The following SV2C variants were observed in gnomAD, a reference collection of about 807,000 sequenced individuals.
The protein encoded by SV2C is solute carrier family 22 member B3.
A neutral mutation model predicts 79.7 loss-of-function variants in SV2C; 49 were observed. The ratio of observed to expected loss-of-function variants is 0.61; its 90% CI spans 0.49 to 0.78. The LOEUF is 0.78. Ranked by LOEUF, SV2C falls within the 30% of genes least tolerant of loss-of-function variation. The pLI is 0.00. For synonymous variants in SV2C, 334 were observed against 333.2 expected, an observed-to-expected ratio of 1.00 and a Z score of -0.03; for missense variants, 833 against 912.9, an observed-to-expected ratio of 0.91 and a Z score of 1.13.
chr5:75,901,811 C>T, the SV2C span, among the ~76,000 whole-genome samples: 1 of 152,134 alleles, frequency 6.6e-6, no homozygotes, highest in Admixed American at 6.5e-5. Flanking sequence ...CCTCCCCCAG[C>T]CTTGCTGCCA....
At chr5:76,197,427 T>C (rs1271632152) in intron 3 of SV2C, among the ~76,000 whole-genome samples, 2 of 152,038 alleles carry the variant, frequency 1.3e-5, no homozygotes, top group Non-Finnish European at 2.9e-5. Flanking sequence ...GACAAAATAT[T>C]TGGGAGAAAA....
intron 1 of SV2C, among the ~76,000 whole-genome samples, chr5:76,098,821 T>C (rs1448681485): frequency 2.6e-5 from 4 of 152,240 alleles, no homozygotes; most frequent in African/African-American, 9.6e-5. Context: ...GGTCATCTTA[T>C]ACCTGTACCT....
chr5:76,196,080 G>A (rs1744263781), intron 3 of SV2C, among the ~76,000 whole-genome samples: 1 of 152,164 alleles, frequency 6.6e-6, no homozygotes, highest in South Asian at 2.1e-4. Context: ...AAAGCTATCA[G>A]TTGTGGTTGT....
intron 2 of SV2C, among the ~76,000 whole-genome samples, chr5:76,168,803 G>A (rs1266386736): frequency 6.6e-6 from 1 of 152,128 alleles, no homozygotes; most frequent in Non-Finnish European, 1.5e-5. Context: ...TCATGTTCCA[G>A]GGCAGTGCCA....
In SV2C at chr5:76,209,803, G is replaced by A. The variant is rs13153261; in HGVS notation, c.829G>A (p.Glu277Lys). 4.6e-5 allele frequency: 74 copies of A among 1,614,086 alleles called. No homozygotes were observed. Among genetic ancestry groups the A allele is most frequent in the Admixed American group, 2.8e-4 (17 of 60,012 alleles). The stretch of plus-strand genomic sequence containing the variant: ...AGTCCTGGCCCGGGAAAAGCGGGGC[G>A]AACACTTGAGCTGGCTCTGCATGTT... ...AEVLAREKRG[E>K]HLSWLCMFWM... is the part of the protein sequence containing the mutation. The change falls in exon 4 of 13, where the codon GAA becomes AAA. Residue 277 changes from glutamate (E) to lysine (K), a missense_variant. Coordinates refer to ENST00000502798, the MANE Select transcript of SV2C (RefSeq NM_014979.4).
Position 76,092,131 on chromosome 5 carries a change from A to G in SV2C, c.-102+8619A>G, listed in dbSNP as rs1331418829. Reference sequence around the variant, plus strand: ...TTCTACTAAAAAGAATTTAAGGTACATTACAGAGTTTGGAAGAATAAAGAT... The same window carrying G: ...TTCTACTAAAAAGAATTTAAGGTACGTTACAGAGTTTGGAAGAATAAAGAT... On this transcript the variant is annotated intron_variant, in intron 1 of 12. Coordinates refer to ENST00000502798, the MANE Select transcript of SV2C (RefSeq NM_014979.4). Among the ~76,000 whole-genome samples, 3 of 152,204 alleles carry G rather than the reference A, an allele frequency of 2.0e-5. No individual in the cohort carries two copies. In the East Asian group the frequency reaches 5.8e-4, roughly 29 times the overall value.
chr5:75,859,056 C>G, the SV2C span, among the ~76,000 whole-genome samples: 6 of 150,280 alleles, frequency 4.0e-5, no homozygotes, highest in South Asian at 1.3e-3. Context: ...TTTCATTGAT[C>G]TTTTGTATCA....
At chr5:75,875,708 G>A in the SV2C span, among the ~76,000 whole-genome samples, 1,054 of 152,140 alleles carry the variant, frequency 6.9e-3, 4 homozygotes, top group African/African-American at 0.011. Context: ...CATGTATAAT[G>A]AGCTTAAACA....
the SV2C span, among the ~76,000 whole-genome samples, chr5:75,853,592 A>G: frequency 8.4e-6 from 1 of 118,540 alleles, no homozygotes; most frequent in Non-Finnish European, 1.7e-5. Context: ...TGGGCAGCAG[A>G]GCAAGACTCC....
At chr5:76,101,469 C>G (rs939920902) in intron 1 of SV2C, among the ~76,000 whole-genome samples, 1 of 152,228 alleles carries the variant, frequency 6.6e-6, no homozygotes, top group South Asian at 2.1e-4. Flanking sequence ...CTCTTGAGTG[C>G]TAGGCACTGC....
chr5:76,011,619 G>C, the SV2C span, among the ~76,000 whole-genome samples: 1 of 151,566 alleles, frequency 6.6e-6, no homozygotes, highest in African/African-American at 2.4e-5. Flanking sequence ...TTTTATTTAT[G>C]TTTTTTTAAT....
At chr5:76,092,149 A>G (rs1443942282) in intron 1 of SV2C, among the ~76,000 whole-genome samples, 2 of 152,238 alleles carry the variant, frequency 1.3e-5, no homozygotes. Context: ...GTTTGGAAGA[A>G]TAAAGATCAA....
chr5:75,890,789 C>T, the SV2C span, among the ~76,000 whole-genome samples: 1 of 152,006 alleles, frequency 6.6e-6, no homozygotes, highest in African/African-American at 2.4e-5. Flanking sequence ...TAGGGCTAGG[C>T]CTGCAGTGGA....
intron 4 of SV2C, among the ~76,000 whole-genome samples, chr5:76,252,462 C>T (rs1746145361): frequency 6.6e-6 from 1 of 152,212 alleles, no homozygotes; most frequent in African/African-American, 2.4e-5. Flanking sequence ...AGAAACTCCA[C>T]ATCCATAAGC....
At chr5:76,299,359 G>A (rs907652990) in intron 10 of SV2C, among the ~76,000 whole-genome samples, 2 of 151,906 alleles carry the variant, frequency 1.3e-5, no homozygotes, top group Admixed American at 6.6e-5. Flanking sequence ...ACTCCCCAGG[G>A]GGAAAAAAAA....
the SV2C span, among the ~76,000 whole-genome samples, chr5:75,870,742 A>G: frequency 6.6e-6 from 1 of 152,212 alleles, no homozygotes. Flanking sequence ...ATGGTCAAGG[A>G]TAAAGTAAGG....
intron 1 of SV2C, among the ~76,000 whole-genome samples, chr5:76,093,465 C>A (rs974381545): frequency 1.3e-5 from 2 of 152,226 alleles, no homozygotes; most frequent in Non-Finnish European, 2.9e-5. Flanking sequence ...TAGCCATTGG[C>A]CCTGCAAAGC....
upstream of SV2C, chr5:76,078,957 A>G (rs771586725): frequency 5.8e-5 from 30 of 520,692 alleles, no homozygotes; most frequent in Non-Finnish European, 1.1e-4. Context: ...TAGAAAAAAG[A>G]ATGAAAGAAT....
chr5:76,024,514 T>C, the SV2C span, among the ~76,000 whole-genome samples: 1 of 152,182 alleles, frequency 6.6e-6, no homozygotes, highest in Non-Finnish European at 1.5e-5. Flanking sequence ...TTTCACCAAT[T>C]TGTAGGAGTT....
Sources: allele counts gnomAD v4.1 joint callset (sites outside exome capture counted in the v4.1 genomes callset), GRCh38; gene constraint gnomAD v4.1.1; transcripts MANE v1.5; gene names NCBI Gene and HGNC (gene_info 2026-07-23, HGNC 2026-07-21).